The following MPST variants were observed in gnomAD, a reference collection of about 807,000 sequenced individuals.
MPST encodes 3-mercaptopyruvate sulfurtransferase.
A neutral mutation model predicts 28.5 loss-of-function variants in MPST; 27 were observed. The observed-to-expected ratio is 0.95, with a 90% CI of 0.70 to 1.31. The LOEUF (loss-of-function observed/expected upper bound fraction) is 1.31. MPST is among the 50% of genes most tolerant of loss of function. The pLI is 0.00. For synonymous variants in MPST, 204 were observed against 209.3 expected, an observed-to-expected ratio of 0.97 and a Z score of 0.22; for missense variants, 492 against 471.1, an observed-to-expected ratio of 1.04 and a Z score of -0.41.
At position 37,024,814 on chromosome 22, in the gene MPST, A is replaced by G. The variant is rs757520375; in HGVS notation, c.655+4A>G. On this transcript the variant is annotated splice_donor_region_variant and intron_variant, in intron 2 of 2. Transcript: ENST00000429360. Reference sequence around the variant, plus strand: ...ACCGAGCCCGAGCCCCGAGACGGTAACGCGGGGGAAGGGGGCAGGAGGTCG... The same window carrying G: ...ACCGAGCCCGAGCCCCGAGACGGTAGCGCGGGGGAAGGGGGCAGGAGGTCG... The G allele has an allele frequency of 3.7e-6, 6 of 1,603,890 alleles. No homozygotes were observed. In the Admixed American group the frequency reaches 8.3e-5, roughly 22 times the overall value.
intron 1 of MPST, among the ~76,000 whole-genome samples, chr22:37,021,021 T>A (rs57522265): frequency 0.023 from 3,393 of 148,162 alleles, 130 homozygotes; most frequent in African/African-American, 0.078. Flanking sequence ...CAAAGCCTAG[T>A]GTCTGGTGGT....
In MPST at chr22:37,019,829, C is replaced by T. The variant is rs1225627556; in HGVS notation, c.-8C>T. On this transcript the variant is annotated 5_prime_UTR_variant, in exon 1 of 3. Transcript: ENST00000429360. ...GGCGCGGGGAGGGGGCGCCGCGCCGCGGGGGCCATGGCGGAGCCAGGAAGC... is the reference window on the plus strand; with the variant it reads ...GGCGCGGGGAGGGGGCGCCGCGCCGTGGGGGCCATGGCGGAGCCAGGAAGC... The T allele has an allele frequency of 1.7e-6, 2 of 1,203,844 alleles. No homozygotes were observed. Among genetic ancestry groups the T allele is most frequent in the Middle Eastern group, 3.0e-4 (1 of 3,328 alleles). 74.6% of individuals were successfully genotyped at this position (1,203,844 alleles called of 1,614,324 possible).
Position 37,024,606 on chromosome 22 carries a change from G to A in MPST, c.451G>A (p.Gly151Ser), listed in dbSNP as rs1012908899. 1.9e-6 allele frequency: 3 copies of A among 1,594,698 alleles called. No homozygotes were observed. The highest frequency in any genetic ancestry group is 1.7e-5 in the Admixed American group (1 of 59,760). ...CCACGCCGTGTCACTGCTTGATGGC[G>A]GCCTCCGCCACTGGCTGCGCCAGAA... The part of the protein sequence containing the change: ...GHHAVSLLDG[G>S]LRHWLRQNLP... Residue 151 changes from glycine to serine, a missense_variant, in exon 2 of 3, where the codon GGC becomes AGC. Coordinates refer to ENST00000429360, the MANE Select transcript of MPST (RefSeq NM_021126.8).
Position 37,024,665 on chromosome 22 carries a change from T to C in MPST, c.510T>C (p.Ala170=), listed in dbSNP as rs1281191776. The change falls in exon 2 of 3, where the codon GCT becomes GCC. Residue 170 remains alanine, a synonymous_variant. Transcript: ENST00000429360. ...LPLSSGKSQP[A]PAEFRAQLDP... The stretch of plus-strand genomic sequence containing the variant: ...TCAGCTCCGGCAAGAGCCAACCTGC[T>C]CCCGCCGAGTTCCGCGCTCAGCTCG... 6.3e-7 allele frequency: 1 copy of C among 1,598,758 alleles called. No homozygotes were observed. Among genetic ancestry groups the C allele is most frequent in the East Asian group, 2.2e-5 (1 of 44,802 alleles).
At chr22:37,028,320 G>A (rs1923660029) in intron 2 of MPST, 1 of 152,220 alleles carries the variant, frequency 6.6e-6, no homozygotes, top group African/African-American at 2.4e-5. Context: ...ATCATCTGAG[G>A]TCAGGAGTTC....
chr22:37,022,975 G>T (rs1010870050), intron 1 of MPST: 2 of 152,472 alleles, frequency 1.3e-5, no homozygotes, highest in Non-Finnish European at 2.9e-5. Flanking sequence ...TGTTTGGGAA[G>T]TTTACACCCA....
intron 2 of MPST, 135 bp downstream of exon 2, chr22:37,024,945 C>A (rs1333032626): frequency 1.3e-6 from 2 of 1,525,974 alleles, no homozygotes; most frequent in Non-Finnish European, 1.8e-6. Context: ...CTTTCCTTTC[C>A]TTCCCTTTCC....
At chr22:37,024,118 A>G in intron 1 of MPST, 74 bp from the exon 2 acceptor site, 1 of 1,332,356 alleles carries the variant, frequency 7.5e-7, no homozygotes, top group African/African-American at 1.6e-5. Flanking sequence ...GCCCTCGCCC[A>G]TGCTCCAGCC....
At chr22:37,025,841 G>A (rs904350376) in intron 2 of MPST, 1 of 152,262 alleles carries the variant, frequency 6.6e-6, no homozygotes, top group African/African-American at 2.4e-5. Flanking sequence ...TACAGATTGG[G>A]TTTGGAGCCG....
In MPST at chr22:37,024,254, G is replaced by GC. The variant is rs1216795760; in HGVS notation, c.100dup (p.Gln34ProfsTer116). The GC allele has an allele frequency of 5.6e-6, 8 of 1,441,386 alleles. No individual in the cohort carries two copies. Among genetic ancestry groups the GC allele is most frequent in the Non-Finnish European group, 7.2e-6 (8 of 1,106,896 alleles). The allele number at this position is 1,441,386 out of a possible 1,614,324, so 89.3% of individuals were successfully genotyped here. A position where few individuals can be genotyped will look rare whatever the true frequency, so the allele number is the denominator to read the frequency against. ...AGCTCTGCCGCGCGCTGGTGTCGGCGCAATGGGTGGCGGAGGCGCTGCGGG... is the reference window on the plus strand; with the variant it reads ...AGCTCTGCCGCGCGCTGGTGTCGGCGCCAATGGGTGGCGGAGGCGCTGCGGG... On this transcript the variant is annotated frameshift_variant, in exon 2 of 3. Transcript: ENST00000429360. LOFTEE classifies it high-confidence loss of function.
At chr22:37,027,473 C>T (rs948316701) in intron 2 of MPST, 1 of 152,140 alleles carries the variant, frequency 6.6e-6, no homozygotes, top group Non-Finnish European at 1.5e-5. Flanking sequence ...ACCTATAATC[C>T]TCACACTTTG....
chr22:37,023,896 C>T (rs769674579), intron 1 of MPST: 1 of 1,500,132 alleles, frequency 6.7e-7, no homozygotes, highest in South Asian at 1.2e-5. Context: ...CCCTAGGATA[C>T]CTCCACCCAC....
At position 37,019,948 on chromosome 22, in the gene MPST, T is replaced by C. The variant is rs1172676110; in HGVS notation, c.36+76T>C. 20 of 623,594 alleles carry C rather than the reference T, an allele frequency of 3.2e-5. No homozygotes were observed. In the Admixed American group the frequency reaches 5.7e-4, roughly 18 times the overall value. 38.6% of individuals were successfully genotyped at this position (623,594 alleles called of 1,614,324 possible). A position where few individuals can be genotyped will look rare whatever the true frequency, so the allele number is the denominator to read the frequency against. On this transcript the variant is annotated intron_variant, in intron 1 of 2. Transcript: ENST00000429360. ...TCTTTGGGGGTGCTCGGCGCGGGGC[T>C]CCCGCGCGGGACCTGGGCGGAAGAG...
intron 1 of MPST, among the ~76,000 whole-genome samples, chr22:37,021,208 G>A (rs542972812): frequency 9.2e-5 from 14 of 152,134 alleles, no homozygotes; most frequent in African/African-American, 2.9e-4. Context: ...CCACTCCCAG[G>A]GCACCCTCAC....
intron 1 of MPST, among the ~76,000 whole-genome samples, chr22:37,022,195 T>A (rs1923127909): frequency 1.3e-5 from 2 of 152,068 alleles, no homozygotes; most frequent in Non-Finnish European, 2.9e-5. Flanking sequence ...AAACACCCCT[T>A]GGCAGCCTCC....
At chr22:37,025,921 A>T (rs1294321136) in intron 2 of MPST, 1 of 152,244 alleles carries the variant, frequency 6.6e-6, no homozygotes, top group Non-Finnish European at 1.5e-5. Flanking sequence ...CTCTTCATGC[A>T]TCCTGAAGAT....
intron 1 of MPST, among the ~76,000 whole-genome samples, chr22:37,022,301 G>C (rs1569164762): frequency 6.6e-6 from 1 of 152,142 alleles, no homozygotes; most frequent in African/African-American, 2.4e-5. Context: ...CACCTCTTCT[G>C]CTGCCACCCC....
At chr22:37,019,959 A>C in intron 1 of MPST, 87 bp downstream of exon 1, 1 of 630,382 alleles carries the variant, frequency 1.6e-6, no homozygotes, top group Non-Finnish European at 2.3e-6. Context: ...CCCGCGCGGG[A>C]CCTGGGCGGA....
Position 37,024,468 on chromosome 22 carries a change from T to G in MPST, c.313T>G (p.Tyr105Asp), listed in dbSNP as rs1379564606. The G allele has an allele frequency of 1.9e-6, 3 of 1,555,640 alleles. No individual in the cohort carries two copies. In the South Asian group the frequency reaches 3.5e-5, roughly 18 times the overall value. ...GCCCGGGGCCGAGCATTTCGCGGAG[T>G]ACGCAGGCCGCCTGGGCGTGGGCGC... is the stretch of plus-strand genomic sequence containing the variant. ...MLPGAEHFAE[Y>D]AGRLGVGAAT... Residue 105 changes from tyrosine to aspartate, a missense_variant, in exon 2 of 3, where the codon TAC becomes GAC. Physicochemically the swap from Tyr to Asp is radical, Grantham distance 160. Coordinates refer to ENST00000429360, the MANE Select transcript of MPST (RefSeq NM_021126.8).
Sources: gnomAD v4.1 joint callset for allele counts (sites outside exome capture counted in the v4.1 genomes callset) on GRCh38, gnomAD v4.1.1 for gene constraint, MANE v1.5 for transcripts, NCBI Gene and HGNC (gene_info 2026-07-23, HGNC 2026-07-21) for gene names.